Variants in FAM120B observed in about 807,000 individuals in gnomAD.
FAM120B encodes the protein constitutive coactivator of peroxisome proliferator-activated receptor gamma.
In FAM120B, 83 loss-of-function variants were observed where a neutral mutation model predicts 96.3. The observed-to-expected ratio is 0.86, with a 90% confidence interval of 0.72 to 1.03. The LOEUF (loss-of-function observed/expected upper bound fraction) is 1.03. Ranked by LOEUF, FAM120B falls within the 50% of genes least tolerant of loss-of-function variation. The pLI is 0.00. For synonymous variants in FAM120B, 407 were observed against 402.7 expected (o/e 1.01, Z -0.13); for missense variants, 1,027 against 1,121.2 (o/e 0.92, Z 1.20).
chr6:170,329,065 A>G (rs1414209136), intron 3 of FAM120B, among the ~76,000 whole-genome samples: 1 of 152,202 alleles, frequency 6.6e-6, no homozygotes, highest in Non-Finnish European at 1.5e-5. Flanking sequence ...GCCCAGTGCA[A>G]GCTCCATTGG....
intron 6 of FAM120B, among the ~76,000 whole-genome samples, chr6:170,371,409 T>A (rs955164080): frequency 8.5e-5 from 13 of 152,210 alleles, no homozygotes; most frequent in Middle Eastern, 3.2e-3. Context: ...GCTATGAACC[T>A]TTCTTTACAA....
chr6:170,347,902 G>A (rs976381635), intron 4 of FAM120B, among the ~76,000 whole-genome samples: 2 of 152,066 alleles, frequency 1.3e-5, no homozygotes, highest in African/African-American at 2.4e-5. Flanking sequence ...CTTAATGGTC[G>A]AAAGTGCAGT....
In FAM120B at chr6:170,370,221, C is replaced by T. The variant is rs1583280564; in HGVS notation, c.2283+11903C>T. Among the ~76,000 whole-genome samples the T allele has an allele frequency of 6.6e-6, 1 of 152,204 alleles. No individual in the cohort carries two copies. The highest frequency in any genetic ancestry group is 1.5e-5 in the Non-Finnish European group (1 of 68,036). ...GCGGGGCGGCCCCCAGGCCTTGTGT[C>T]CTCCTGCTCCCACATGTGCTAAGTG... On this transcript the variant is annotated intron_variant, in intron 6 of 10. Transcript: ENST00000476287. This position sits in a 1 kb window ranked among gnomAD's most constrained non-coding sequence, Gnocchi z 4.3.
chr6:170,291,231 T>A (rs949922057), upstream of FAM120B, among the ~76,000 whole-genome samples: 2 of 146,914 alleles, frequency 1.4e-5, no homozygotes, highest in African/African-American at 5.0e-5. Flanking sequence ...AGAATCCCCC[T>A]GCTTCTGGAG....
intron 6 of FAM120B, among the ~76,000 whole-genome samples, chr6:170,386,492 A>G (rs968361825): frequency 6.6e-6 from 1 of 152,212 alleles, no homozygotes; most frequent in African/African-American, 2.4e-5. Flanking sequence ...TGAAAATTTC[A>G]GGTAAAATGA....
At chr6:170,308,932 C>A (rs1402452656) in intron 1 of FAM120B, among the ~76,000 whole-genome samples, 1 of 152,218 alleles carries the variant, frequency 6.6e-6, no homozygotes, top group African/African-American at 2.4e-5. Context: ...AGTAACTCAG[C>A]ATGTTGGACA....
rs576996568 is a variant in FAM120B at position 170,400,625 on chromosome 6, A to G, written c.2693-3925A>G. On this transcript the variant is annotated intron_variant, in intron 9 of 10. Coordinates refer to ENST00000476287, the MANE Select transcript of FAM120B (RefSeq NM_032448.3). ...GGGACGGCACCTCCACAGCACCAGC[A>G]TCCAGGCAGAGGGGATCGTGGCCAC... Among the ~76,000 whole-genome samples the G allele has an allele frequency of 3.3e-5, 5 of 152,322 alleles. No individual in the cohort carries two copies. In the East Asian group the frequency reaches 9.6e-4, roughly 29 times the overall value.
intron 9 of FAM120B, among the ~76,000 whole-genome samples, chr6:170,396,080 A>G (rs1433656660): frequency 6.6e-6 from 1 of 152,240 alleles, no homozygotes. Flanking sequence ...TACATCGAGA[A>G]CTTCACATCA....
At chr6:170,327,547 G>A (rs970116641) in intron 3 of FAM120B, among the ~76,000 whole-genome samples, 3 of 152,006 alleles carry the variant, frequency 2.0e-5, no homozygotes, top group East Asian at 1.9e-4. Context: ...AGGCTGCTCC[G>A]GTGAGTCCAT....
At chr6:170,380,014 C>G (rs371209993) in intron 6 of FAM120B, among the ~76,000 whole-genome samples, 1 of 152,190 alleles carries the variant, frequency 6.6e-6, no homozygotes, top group Non-Finnish European at 1.5e-5. Context: ...CCCATTTCCT[C>G]CCTCACCCAG....
At chr6:170,307,798 G>A (rs571533164) in intron 1 of FAM120B, among the ~76,000 whole-genome samples, 2 of 152,274 alleles carry the variant, frequency 1.3e-5, no homozygotes, top group East Asian at 1.9e-4. Flanking sequence ...GGCTTTTGTC[G>A]TCGTTCAGGG....
intron 6 of FAM120B, among the ~76,000 whole-genome samples, chr6:170,365,213 C>T (rs2115222413): frequency 6.6e-6 from 1 of 152,298 alleles, no homozygotes; most frequent in South Asian, 2.1e-4. Flanking sequence ...GACTTTGAGC[C>T]CACTTGGATT....
At chr6:170,333,473 A>G (rs375939169) in intron 4 of FAM120B, among the ~76,000 whole-genome samples, 106 of 150,758 alleles carry the variant, frequency 7.0e-4, no homozygotes, top group African/African-American at 2.4e-3. Flanking sequence ...GGTTTGTTTT[A>G]TTCAGGGAGC....
chr6:170,399,910 A>G (rs76383782), intron 9 of FAM120B, among the ~76,000 whole-genome samples: 7 of 39,798 alleles, frequency 1.8e-4, no homozygotes, highest in South Asian at 1.0e-3. Flanking sequence ...AGTGAGTGGG[A>G]AAGGTAGAAC....
chr6:170,367,761 A>G (rs1381374613), intron 6 of FAM120B, among the ~76,000 whole-genome samples: 1 of 152,248 alleles, frequency 6.6e-6, no homozygotes, highest in African/African-American at 2.4e-5. Context: ...ATTAAGTCCT[A>G]TCTTATTCTT....
chr6:170,291,742 G>A (rs1010598923), upstream of FAM120B, among the ~76,000 whole-genome samples: 1 of 152,164 alleles, frequency 6.6e-6, no homozygotes, highest in African/African-American at 2.4e-5. Context: ...GCATCCCCGC[G>A]CCTTCGGTGT....
rs1375170356 is a variant in FAM120B, at chr6:170,318,966, G to A, written c.1576G>A (p.Ala526Thr). Residue 526 changes from alanine (A) to threonine (T), a missense_variant, in exon 2 of 11, where the codon GCT (alanine) becomes ACT (threonine). Physicochemically the swap from Ala to Thr is moderately conservative, Grantham distance 58. This residue lies in a region of FAM120B where 880 missense variants were observed against 980.9 expected (regional missense o/e 0.90). Coordinates refer to ENST00000476287, the MANE Select transcript of FAM120B (RefSeq NM_032448.3). ...GCAAGAAGACTCCATGTGTACACAC[G>A]CTGAAATCAATCAAAAATTACCTGT... is the stretch of plus-strand genomic sequence containing the variant. Reference protein sequence around the residue: ...SKQEDSMCTHAEINQKLPVAT... With the variant: ...SKQEDSMCTHTEINQKLPVAT... 3.7e-6 allele frequency: 6 copies of A among 1,614,012 alleles called. No individual in the cohort carries two copies. In the African/African-American group the frequency reaches 4.0e-5, roughly 11 times the overall value.
At chr6:170,364,833 C>A (rs1207374017) in intron 6 of FAM120B, among the ~76,000 whole-genome samples, 1 of 152,224 alleles carries the variant, frequency 6.6e-6, no homozygotes, top group Admixed American at 6.5e-5. Flanking sequence ...GTTTTCATTT[C>A]TCACCCCTCT....
intron 6 of FAM120B, among the ~76,000 whole-genome samples, chr6:170,376,637 A>T (rs922590763): frequency 6.6e-6 from 1 of 152,188 alleles, no homozygotes; most frequent in Non-Finnish European, 1.5e-5. Context: ...TGTTGAGAAC[A>T]ATTCCAGGAG....
Sources: allele counts gnomAD v4.1 joint callset (sites outside exome capture counted in the v4.1 genomes callset), GRCh38; gene constraint gnomAD v4.1.1; regional missense constraint gnomAD v4.1.1; non-coding constraint Gnocchi (gnomAD v3.1); transcripts MANE v1.5; gene names NCBI Gene and HGNC (gene_info 2026-07-23, HGNC 2026-07-21).